H2BC12: variants seen among roughly 807,000 people sequenced by gnomAD.
H2BC12 encodes histone H2B type 1-K.
In H2BC12, 6 loss-of-function variants were observed where a neutral mutation model predicts 6.3. The ratio of observed to expected loss-of-function variants is 0.95; its 90% CI spans 0.52 to 1.87. The LOEUF is 1.87. Among genes scored for constraint, H2BC12 ranks in the 40% most tolerant of loss-of-function variants. The pLI, the probability that H2BC12 is intolerant of heterozygous loss-of-function variation, is 0.01. For synonymous variants in H2BC12, 132 were observed against 78.5 expected, an observed-to-expected ratio of 1.68 and a Z score of -3.60; for missense variants, 119 against 178.4, an observed-to-expected ratio of 0.67 and a Z score of 1.90.
chr6:27,145,331 CACACACAA>C (rs1342013088), downstream of H2BC12, among the ~76,000 whole-genome samples: 6 of 148,218 alleles, frequency 4.0e-5, no homozygotes, highest in Admixed American at 6.7e-5. Flanking sequence ...CACACACACA[CACACACAA>C]AATTCCCCTG....
At chr6:27,145,486 TA>T (rs1318843722), downstream of H2BC12, among the ~76,000 whole-genome samples, 2 of 152,186 alleles carry the variant, frequency 1.3e-5, no homozygotes, top group Non-Finnish European at 2.9e-5. Context: ...TTCTAGCCTC[TA>T]ATCACACAAT....
Position 27,146,433 on chromosome 6 carries a change from G to A in H2BC12, c.366C>T (p.Tyr122=), listed in dbSNP as rs149349762. The change falls in exon 1 of 1, where the codon TAC becomes TAT. Residue 122 remains tyrosine, a synonymous_variant. Transcript: ENST00000356950. ...VSEGTKAVTK[Y]TSAK Reference sequence around the variant, plus strand: ...CTTGGCAAGTTTACTTAGCGCTGGTGTACTTGGTGACGGCCTTGGTGCCCT... The same window carrying A: ...CTTGGCAAGTTTACTTAGCGCTGGTATACTTGGTGACGGCCTTGGTGCCCT... 8.2e-4 allele frequency: 1,328 copies of A among 1,614,264 alleles called. No homozygotes were observed. Among genetic ancestry groups the A allele is most frequent in the Non-Finnish European group, 9.3e-4 (1,093 of 1,180,044 alleles).
chr6:27,146,311 A>AT, downstream of H2BC12: 1 of 1,555,116 alleles, frequency 6.4e-7, no homozygotes, highest in Non-Finnish European at 8.7e-7. Context: ...GATCGCCCGA[A>AT]TTTAAGCCTG....
chr6:27,146,772 G>A lies in H2BC12; in HGVS notation c.27C>T (p.Pro9=), dbSNP rs147650678. 1.2e-5 allele frequency: 20 copies of A among 1,613,976 alleles called. No homozygotes were observed. The highest frequency in any genetic ancestry group is 2.2e-5 in the South Asian group (2 of 91,068). ...CTTTCTTCGAGCCCTTCTTGGGCGC[G>A]GGAGCGGACTTCGCTGGTTCCGGCA... MPEPAKSA[P]APKKGSKKAV... The change falls in exon 1 of 1, where the codon CCC becomes CCT. Residue 9 remains proline, a synonymous_variant. Coordinates refer to ENST00000356950, the MANE Select transcript of H2BC12 (RefSeq NM_001312653.2).
downstream of H2BC12, among the ~76,000 whole-genome samples, chr6:27,146,167 A>G (rs1760075288): frequency 6.6e-6 from 1 of 152,218 alleles, no homozygotes; most frequent in South Asian, 2.1e-4. Flanking sequence ...TTTCCTGCAC[A>G]TCCCTAATTT....
the H2BC12 span, chr6:27,139,474 C>T: frequency 4.3e-6 from 7 of 1,614,172 alleles, no homozygotes; most frequent in East Asian, 1.6e-4. Flanking sequence ...TGAGGAGACC[C>T]GCGGAGTGTT....
Position 27,146,851 on chromosome 6 carries a change from G to A in H2BC12, c.-53C>T, listed in dbSNP as rs1760102008. On this transcript the variant is annotated 5_prime_UTR_variant, in exon 1 of 1. Transcript: ENST00000356950. The stretch of plus-strand genomic sequence containing the variant: ...GAGCAGCAGATCGAGAAAACGGGAA[G>A]TAATGGGAGCAAGGTACCAGGAGTC... The A allele has an allele frequency of 1.3e-6, 2 of 1,596,680 alleles. No individual in the cohort carries two copies. The highest frequency in any genetic ancestry group is 1.7e-6 in the Non-Finnish European group (2 of 1,172,164).
At position 27,146,840 on chromosome 6, in the gene H2BC12, G is replaced by C. The variant is rs761253090; in HGVS notation, c.-42C>G. The C allele has an allele frequency of 3.1e-6, 5 of 1,602,206 alleles. No individual in the cohort carries two copies. The highest frequency in any genetic ancestry group is 2.7e-5 in the African/African-American group (2 of 74,282). On this transcript the variant is annotated 5_prime_UTR_variant, in exon 1 of 1. Coordinates refer to ENST00000356950, the MANE Select transcript of H2BC12 (RefSeq NM_001312653.2). ...GAGCCTGAGACGAGCAGCAGATCGA[G>C]AAAACGGGAAGTAATGGGAGCAAGG...
downstream of H2BC12, among the ~76,000 whole-genome samples, chr6:27,141,953 T>C (rs1045135127): frequency 1.3e-5 from 2 of 152,208 alleles, no homozygotes; most frequent in Non-Finnish European, 2.9e-5. Flanking sequence ...ATGTGGCATG[T>C]GACTGAGGGA....
At chr6:27,146,043 TAC>T (rs1293808819), downstream of H2BC12, among the ~76,000 whole-genome samples, 3 of 152,096 alleles carry the variant, frequency 2.0e-5, no homozygotes, top group Non-Finnish European at 4.4e-5. Flanking sequence ...TGGTGGAAAG[TAC>T]ACGTGACACA....
At chr6:27,144,861 A>C (rs1386988339), downstream of H2BC12, among the ~76,000 whole-genome samples, 1 of 152,024 alleles carries the variant, frequency 6.6e-6, no homozygotes. Context: ...CAGTGAGGTG[A>C]TCTAGGCTCA....
At chr6:27,141,050 GA>G in the H2BC12 span, among the ~76,000 whole-genome samples, 340 of 140,276 alleles carry the variant, frequency 2.4e-3, 1 homozygote, top group African/African-American at 7.1e-3. Context: ...CAATCTGGGG[GA>G]AAAAAAAAAA....
At chr6:27,141,130 G>A in the H2BC12 span, among the ~76,000 whole-genome samples, 1 of 151,786 alleles carries the variant, frequency 6.6e-6, no homozygotes, top group Non-Finnish European at 1.5e-5. Context: ...TTCTGAAATC[G>A]CTGTAAGAGT....
chr6:27,142,420 G>A (rs115324655), downstream of H2BC12, among the ~76,000 whole-genome samples: 563 of 151,470 alleles, frequency 3.7e-3, 3 homozygotes, highest in African/African-American at 0.013. Context: ...TTACAGGTGC[G>A]TACTACCACG....
chr6:27,146,805 G>A lies in H2BC12; in HGVS notation c.-7C>T, dbSNP rs758122363. On this transcript the variant is annotated 5_prime_UTR_variant, in exon 1 of 1. Coordinates refer to ENST00000356950, the MANE Select transcript of H2BC12 (RefSeq NM_001312653.2). The stretch of plus-strand genomic sequence containing the variant: ...ACTTCGCTGGTTCCGGCATGTTGAA[G>A]GCGAACTACGAGCCTGAGACGAGCA... 83 of 1,613,384 alleles carry A rather than the reference G, an allele frequency of 5.1e-5. No homozygotes were observed. The highest frequency in any genetic ancestry group is 6.8e-5 in the Non-Finnish European group (80 of 1,179,710).
chr6:27,142,789 A>G (rs905566999), downstream of H2BC12, among the ~76,000 whole-genome samples: 5 of 151,646 alleles, frequency 3.3e-5, no homozygotes, highest in Non-Finnish European at 7.4e-5. Context: ...CTCATGTGAA[A>G]CCATGCCCAA....
chr6:27,139,202 G>A, the H2BC12 span: 3 of 1,284,314 alleles, frequency 2.3e-6, no homozygotes, highest in Admixed American at 2.7e-5. Flanking sequence ...AATGCAGAGG[G>A]ACTTCCCGCC....
downstream of H2BC12, among the ~76,000 whole-genome samples, chr6:27,141,411 C>T (rs9461333): frequency 0.012 from 1,833 of 152,188 alleles, 33 homozygotes; most frequent in African/African-American, 0.037. Flanking sequence ...ATAACCAATT[C>T]ACAAATGTTA....
chr6:27,139,435 G>A, the H2BC12 span: 1 of 1,614,218 alleles, frequency 6.2e-7, no homozygotes, highest in Non-Finnish European at 8.5e-7. Flanking sequence ...TCGCCGCGGC[G>A]GCGTGAAGCG....
Sources: allele counts gnomAD v4.1 joint callset (sites outside exome capture counted in the v4.1 genomes callset), GRCh38; gene constraint gnomAD v4.1.1; transcripts MANE v1.5; gene names NCBI Gene and HGNC (gene_info 2026-07-23, HGNC 2026-07-21).